The following FRMD4A variants were observed in gnomAD, a reference collection of about 807,000 sequenced individuals.
FRMD4A encodes FERM domain containing 4A.
A neutral mutation model predicts 129.1 loss-of-function variants in FRMD4A; 29 were observed. That is an observed-to-expected ratio of 0.22 (90% CI 0.17 to 0.31). The LOEUF is 0.31. Ranked by LOEUF, FRMD4A falls within the 10% of genes least tolerant of loss-of-function variation. The pLI, the probability that FRMD4A is intolerant of heterozygous loss-of-function variation, is 1.00. For missense variants in FRMD4A, 1,272 were observed against 1,375.8 expected (o/e 0.92, Z 1.19); for synonymous variants, 634 against 571.6 (o/e 1.11, Z -1.56).
intron 2 of FRMD4A, among the ~76,000 whole-genome samples, chr10:14,275,692 G>A (rs1845314642): frequency 6.6e-6 from 1 of 152,174 alleles, no homozygotes; most frequent in South Asian, 2.1e-4. Context: ...TCTGAATTTA[G>A]GTAAAGCGTT....
chr10:13,921,085 G>A (rs1024850480), intron 2 of FRMD4A, among the ~76,000 whole-genome samples: 13 of 152,218 alleles, frequency 8.5e-5, no homozygotes, highest in African/African-American at 2.9e-4. Context: ...CCAAGATCAG[G>A]GCACGAGCAC....
At chr10:13,790,176 G>T (rs1364865573) in intron 5 of FRMD4A, among the ~76,000 whole-genome samples, 1 of 151,534 alleles carries the variant, frequency 6.6e-6, no homozygotes, top group Non-Finnish European at 1.5e-5. Flanking sequence ...GTGAGGTCAA[G>T]GTTGACTCCC....
In FRMD4A at chr10:13,810,843, C is replaced by T. The variant is rs1332692189; in HGVS notation, c.177G>A (p.Glu59=). The change falls in exon 4 of 25, where the codon GAG becomes GAA. Residue 59 remains glutamate, a synonymous_variant. Transcript: ENST00000357447. ...CATCTGTGAATGCTATTCCAAAGTA[C>T]TCCTTTTCCTTCAGATTGAAGTGAG... The part of the protein sequence containing the change: ...VASHFNLKEK[E]YFGIAFTDET... 4 of 1,595,978 alleles carry T rather than the reference C, an allele frequency of 2.5e-6. No homozygotes were observed. The highest frequency in any genetic ancestry group is 3.4e-6 in the Non-Finnish European group (4 of 1,164,264).
At chr10:13,983,631 AGTG>A (rs1044025676) in intron 2 of FRMD4A, among the ~76,000 whole-genome samples, 2 of 152,092 alleles carry the variant, frequency 1.3e-5, no homozygotes, top group Non-Finnish European at 2.9e-5. Flanking sequence ...CAGAAACAAA[AGTG>A]GTGATTTAGA....
intron 15 of FRMD4A, among the ~76,000 whole-genome samples, chr10:13,676,486 G>T (rs1482376735): frequency 6.7e-6 from 1 of 149,996 alleles, no homozygotes; most frequent in Non-Finnish European, 1.5e-5. Flanking sequence ...TGTTGGCCAG[G>T]CTGGTCTTGA....
chr10:13,926,015 T>C (rs1186416148), intron 2 of FRMD4A, among the ~76,000 whole-genome samples: 4 of 152,106 alleles, frequency 2.6e-5, no homozygotes, highest in African/African-American at 9.7e-5. Context: ...ATCAACTTTT[T>C]ATTTCTCCTA....
At chr10:14,050,056 A>T (rs1367266854) in intron 2 of FRMD4A, among the ~76,000 whole-genome samples, 1 of 152,206 alleles carries the variant, frequency 6.6e-6, no homozygotes, top group Non-Finnish European at 1.5e-5. Context: ...TACACACTGC[A>T]TGATGTTAGG....
chr10:13,717,501 A>G (rs976772330), intron 12 of FRMD4A, among the ~76,000 whole-genome samples: 1 of 151,866 alleles, frequency 6.6e-6, no homozygotes, highest in African/African-American at 2.4e-5. Flanking sequence ...TTTAGTAGAG[A>G]TGGGGTTTCG....
intron 2 of FRMD4A, among the ~76,000 whole-genome samples, chr10:14,035,066 G>A (rs747157086): frequency 1.1e-4 from 17 of 152,074 alleles, no homozygotes; most frequent in Non-Finnish European, 2.2e-4. Context: ...ATTAAATACC[G>A]GGGGGACCAA....
At chr10:14,109,983 C>T (rs1383149302) in intron 2 of FRMD4A, among the ~76,000 whole-genome samples, 1 of 146,904 alleles carries the variant, frequency 6.8e-6, no homozygotes, top group African/African-American at 2.5e-5. Context: ...TCCCCCAAAC[C>T]CACCAAAAAA....
At chr10:14,084,628 C>A (rs564253249) in intron 2 of FRMD4A, among the ~76,000 whole-genome samples, 1 of 152,170 alleles carries the variant, frequency 6.6e-6, no homozygotes, top group African/African-American at 2.4e-5. Context: ...GCAAACCAAC[C>A]GGTTCAGAGT....
intron 2 of FRMD4A, among the ~76,000 whole-genome samples, chr10:14,212,783 T>C (rs1334349517): frequency 1.3e-5 from 2 of 152,228 alleles, no homozygotes; most frequent in African/African-American, 2.4e-5. Flanking sequence ...GATGGTTTAC[T>C]TATGAATGCA....
intron 2 of FRMD4A, among the ~76,000 whole-genome samples, chr10:14,063,487 G>A (rs1409228147): frequency 6.6e-6 from 1 of 151,656 alleles, no homozygotes. Flanking sequence ...AGAGTTCAAG[G>A]AACATAGCCC....
chr10:13,860,603 A>G (rs1306983557), intron 2 of FRMD4A, among the ~76,000 whole-genome samples: 1 of 152,144 alleles, frequency 6.6e-6, no homozygotes, highest in Non-Finnish European at 1.5e-5. Context: ...GGCCGCTTTA[A>G]GCAGATCTAA....
At chr10:13,891,016 T>A (rs2094689400) in intron 2 of FRMD4A, 1 of 191,200 alleles carries the variant, frequency 5.2e-6, no homozygotes, top group Non-Finnish European at 9.6e-6. Flanking sequence ...CTTTTCTGAA[T>A]TCAACGTGCA....
At chr10:13,888,048 T>C (rs1213026080) in intron 2 of FRMD4A, among the ~76,000 whole-genome samples, 1 of 152,220 alleles carries the variant, frequency 6.6e-6, no homozygotes, top group Non-Finnish European at 1.5e-5. Context: ...GGCCTTTGTG[T>C]GCAATCGTGA....
intron 2 of FRMD4A, among the ~76,000 whole-genome samples, chr10:14,021,272 G>A (rs1832734595): frequency 6.6e-6 from 1 of 151,882 alleles, no homozygotes; most frequent in East Asian, 1.9e-4. Context: ...AGACATGGTG[G>A]CTCACACCTG....
At chr10:14,184,361 C>T (rs1842011225) in intron 2 of FRMD4A, among the ~76,000 whole-genome samples, 1 of 147,524 alleles carries the variant, frequency 6.8e-6, no homozygotes, top group African/African-American at 2.5e-5. Flanking sequence ...TCTCGAACTC[C>T]TGACCCAAAG....
intron 2 of FRMD4A, among the ~76,000 whole-genome samples, chr10:14,137,099 G>A (rs1839577668): frequency 1.3e-5 from 2 of 152,224 alleles, no homozygotes; most frequent in Non-Finnish European, 2.9e-5. Flanking sequence ...CTGCTTTCCT[G>A]ATCTCTGGTG....
Sources: gnomAD v4.1 joint callset for allele counts (sites outside exome capture counted in the v4.1 genomes callset) on GRCh38, gnomAD v4.1.1 for gene constraint, MANE v1.5 for transcripts, NCBI Gene and HGNC (gene_info 2026-07-23, HGNC 2026-07-21) for gene names.